The following FABP12 variants were observed in gnomAD, a reference collection of about 807,000 sequenced individuals.
FABP12 encodes the protein fatty acid binding protein 12.
FABP12 carries 19 observed loss-of-function variants against 13.7 expected under a neutral mutation model. The ratio of observed to expected loss-of-function variants is 1.39; its 90% CI spans 0.97 to 2.04. The LOEUF is 2.04. Ranked by LOEUF, FABP12 falls within the 30% of genes most tolerant of loss-of-function variation. The pLI, the probability that FABP12 is intolerant of heterozygous loss-of-function variation, is 0.00. For missense variants in FABP12, 182 were observed against 164.2 expected (o/e 1.11, Z -0.59); for synonymous variants, 61 against 57.0 (o/e 1.07, Z -0.32).
intron 1 of FABP12, among the ~76,000 whole-genome samples, chr8:81,542,577 A>G (rs140220856): frequency 5.9e-4 from 90 of 152,276 alleles, no homozygotes; most frequent in Middle Eastern, 3.4e-3. Flanking sequence ...TGAGCTCTGG[A>G]TGGGGCTGGA....
At chr8:81,579,519 T>C (rs1250737285) in intron 1 of FABP12, among the ~76,000 whole-genome samples, 2 of 152,208 alleles carry the variant, frequency 1.3e-5, no homozygotes, top group African/African-American at 4.8e-5. Context: ...AATCATCACA[T>C]AAAAATCCCC....
chr8:81,531,343 A>G, exon 2 of FABP12: 1 of 1,535,896 alleles, frequency 6.5e-7, no homozygotes, highest in Non-Finnish European at 8.9e-7. Context: ...GATCTCAAAG[A>G]ACAGTAGTTT....
At chr8:81,559,736 G>A (rs1393139220) in intron 1 of FABP12, among the ~76,000 whole-genome samples, 1 of 152,150 alleles carries the variant, frequency 6.6e-6, no homozygotes, top group Non-Finnish European at 1.5e-5. Context: ...AAAAACCTGG[G>A]TGAGCCTTGC....
At chr8:81,567,663 G>C (rs1809850765) in intron 1 of FABP12, among the ~76,000 whole-genome samples, 1 of 152,004 alleles carries the variant, frequency 6.6e-6, no homozygotes, top group Non-Finnish European at 1.5e-5. Flanking sequence ...AAATCAAAAT[G>C]GATTAAAGAT....
chr8:81,578,148 G>A lies in FABP12; in HGVS notation c.-185+11905C>T, dbSNP rs183560939. Among the ~76,000 whole-genome samples, 9 of 152,230 alleles carry A rather than the reference G, an allele frequency of 5.9e-5. No individual in the cohort carries two copies. In the East Asian group the frequency reaches 1.2e-3, roughly 20 times the overall value. On this transcript the variant is annotated intron_variant, in intron 1 of 5. Coordinates refer to the FABP12 transcript ENST00000692030. ...ATATAGGTGCAGAAACTAAATTTCCGACATAAGAATACACCAGATGTTTCC... is the reference window on the plus strand; with the variant it reads ...ATATAGGTGCAGAAACTAAATTTCCAACATAAGAATACACCAGATGTTTCC...
upstream of FABP12, among the ~76,000 whole-genome samples, chr8:81,534,143 C>A (rs994472267): frequency 6.6e-6 from 1 of 152,016 alleles, no homozygotes; most frequent in Non-Finnish European, 1.5e-5. Context: ...ACACACCATA[C>A]ACATTATATT....
chr8:81,571,002 G>T (rs1809921374), intron 1 of FABP12, among the ~76,000 whole-genome samples: 2 of 152,066 alleles, frequency 1.3e-5, no homozygotes, highest in Admixed American at 1.3e-4. Context: ...CACCCAGGCT[G>T]CGAGCTCCAA....
chr8:81,541,551 C>A (rs1439200684), intron 1 of FABP12, among the ~76,000 whole-genome samples: 1 of 152,146 alleles, frequency 6.6e-6, no homozygotes, highest in African/African-American at 2.4e-5. Context: ...CATGGTAACA[C>A]CCCTGATGAG....
At chr8:81,542,093 A>G (rs566140952) in intron 1 of FABP12, among the ~76,000 whole-genome samples, 2 of 152,172 alleles carry the variant, frequency 1.3e-5, no homozygotes, top group African/African-American at 4.8e-5. Context: ...ACAAGAACCT[A>G]CTGACTCTGT....
chr8:81,574,630 C>G (rs114684013), intron 1 of FABP12, among the ~76,000 whole-genome samples: 1 of 151,970 alleles, frequency 6.6e-6, no homozygotes, highest in Non-Finnish European at 1.5e-5. Flanking sequence ...TCTCACTGCT[C>G]GTTATTGTTC....
chr8:81,566,930 G>A (rs1390699077), intron 1 of FABP12, among the ~76,000 whole-genome samples: 1 of 151,976 alleles, frequency 6.6e-6, no homozygotes, highest in Non-Finnish European at 1.5e-5. Flanking sequence ...ATCAAAAAAC[G>A]ATTAGAGTCA....
At chr8:81,531,452 GA>G in intron 1 of FABP12, 62 bp from the exon 2 acceptor site, 1 of 601,714 alleles carries the variant, frequency 1.7e-6, no homozygotes, top group Non-Finnish European at 2.9e-6. Flanking sequence ...ATAAAATAAG[GA>G]ACTCTAATCC....
chr8:81,547,229 G>C (rs768438421), intron 1 of FABP12, among the ~76,000 whole-genome samples: 1 of 152,200 alleles, frequency 6.6e-6, no homozygotes, highest in Non-Finnish European at 1.5e-5. Flanking sequence ...CTGTGTGTTT[G>C]TGTGAACACA....
exon 3 of FABP12, chr8:81,529,546 A>G (rs764510844): frequency 3.1e-6 from 5 of 1,613,958 alleles, no homozygotes; most frequent in East Asian, 2.2e-5. Flanking sequence ...TGACATCTCC[A>G]TCTGTACTGA....
intron 1 of FABP12, among the ~76,000 whole-genome samples, chr8:81,576,800 T>C (rs1810055287): frequency 6.6e-6 from 1 of 152,202 alleles, no homozygotes; most frequent in Admixed American, 6.5e-5. Context: ...GGTCAGGAGT[T>C]CTATTCCATG....
At chr8:81,525,754 A>G (rs1171553661) in intron 4 of FABP12, 1 of 152,198 alleles carries the variant, frequency 6.6e-6, no homozygotes, top group African/African-American at 2.4e-5. Context: ...TTTAAATGCC[A>G]ACATTGATGC....
At chr8:81,571,274 A>T (rs1373538871) in intron 1 of FABP12, among the ~76,000 whole-genome samples, 1 of 152,204 alleles carries the variant, frequency 6.6e-6, no homozygotes, top group Non-Finnish European at 1.5e-5. Context: ...GGACCTTCCC[A>T]GGCCCCCAGG....
chr8:81,566,091 A>G (rs932045111), intron 1 of FABP12, among the ~76,000 whole-genome samples: 55 of 152,076 alleles, frequency 3.6e-4, no homozygotes, highest in African/African-American at 1.2e-3. Flanking sequence ...TCCTAGACAC[A>G]TACAACCTAC....
At chr8:81,568,357 A>G (rs1809866475) in intron 1 of FABP12, among the ~76,000 whole-genome samples, 1 of 152,244 alleles carries the variant, frequency 6.6e-6, no homozygotes, top group Non-Finnish European at 1.5e-5. Context: ...ATACAAATGG[A>G]AAACAGACAT....
Sources: gnomAD v4.1 joint callset for allele counts (sites outside exome capture counted in the v4.1 genomes callset) on GRCh38, gnomAD v4.1.1 for gene constraint, MANE v1.5 for transcripts, NCBI Gene and HGNC (gene_info 2026-07-23, HGNC 2026-07-21) for gene names.